The following PCDHA1 variants were observed in gnomAD, a reference collection of about 807,000 sequenced individuals.
PCDHA1 encodes protocadherin alpha 1, also known as protocadherin alpha-1.
PCDHA1 carries 42 observed loss-of-function variants against 61.3 expected under a neutral mutation model. That is an observed-to-expected ratio of 0.69 (90% CI 0.54 to 0.89). The LOEUF is 0.89. Among genes scored for constraint, PCDHA1 ranks in the 40% least tolerant of loss-of-function variants. PCDHA1 has a pLI of 0.00. For missense variants in PCDHA1, 1,256 were observed against 1,235.3 expected (o/e 1.02, Z -0.25); for synonymous variants, 610 against 553.8 (o/e 1.10, Z -1.43).
At chr5:140,874,144 T>C (rs1554167057) in intron 1 of PCDHA1, among the ~76,000 whole-genome samples, 2 of 152,244 alleles carry the variant, frequency 1.3e-5, no homozygotes. Context: ...CTTATACTTG[T>C]AGAGCCATTC....
In PCDHA1 at chr5:140,847,104, A is replaced by G. The variant is rs2150397303; in HGVS notation, c.2394+58420A>G. Among the ~76,000 whole-genome samples, 7 of 149,942 alleles carry G rather than the reference A, an allele frequency of 4.7e-5. 1 individual carries two copies. The East Asian group carries it at 1.4e-3, about 29-fold the overall frequency. On this transcript the variant is annotated intron_variant, in intron 1 of 3. Coordinates refer to ENST00000504120, the MANE Select transcript of PCDHA1 (RefSeq NM_018900.4). ...AAAGTCCACTTTGGTTAAAACACAC[A>G]GTCTGCAGAGAATGAAAGCAGGAAA...
At chr5:140,948,013 A>G (rs1214834981) in intron 1 of PCDHA1, among the ~76,000 whole-genome samples, 7 of 89,982 alleles carry the variant, frequency 7.8e-5, no homozygotes, top group Admixed American at 5.3e-4. Context: ...TTTAGGAAGT[A>G]CCCTTTCTGG....
intron 1 of PCDHA1, among the ~76,000 whole-genome samples, chr5:140,940,668 C>T (rs1475667382): frequency 3.3e-5 from 5 of 152,166 alleles, no homozygotes; most frequent in African/African-American, 1.2e-4. Flanking sequence ...AAATCTTCAT[C>T]TGATAATTCC....
chr5:141,003,715 G>A (rs561348265), intron 3 of PCDHA1, among the ~76,000 whole-genome samples: 21 of 152,240 alleles, frequency 1.4e-4, no homozygotes, highest in African/African-American at 2.2e-4. Flanking sequence ...TGAAGATATC[G>A]GCTAATCCAA....
Position 140,943,601 on chromosome 5 carries a change from T to C in PCDHA1, c.2395-35348T>C, listed in dbSNP as rs148231077. ...TCTGAGTGGGGCTGAATTCTAAATA[T>C]AGACTTTGATTCATCTGCATAAGGA... On this transcript the variant is annotated intron_variant, in intron 1 of 3. Coordinates refer to ENST00000504120, the MANE Select transcript of PCDHA1 (RefSeq NM_018900.4). Among the ~76,000 whole-genome samples the C allele has an allele frequency of 1.9e-3, 291 of 152,290 alleles. 2 individuals carry two copies. The highest frequency in any genetic ancestry group is 6.6e-3 in the African/African-American group (276 of 41,566).
At chr5:140,973,068 G>T (rs1563422416) in intron 1 of PCDHA1, among the ~76,000 whole-genome samples, 1 of 152,140 alleles carries the variant, frequency 6.6e-6, no homozygotes, top group Non-Finnish European at 1.5e-5. Context: ...CAGTGTCTCA[G>T]TGGGCCCAGC....
At chr5:140,808,103 G>A in intron 1 of PCDHA1, 1 of 1,613,814 alleles carries the variant, frequency 6.2e-7, no homozygotes, top group Non-Finnish European at 8.5e-7. Context: ...TATTGTAAAG[G>A]GATATATTGA....
At chr5:140,824,626 T>TTTTTTTG (rs1768277124) in intron 1 of PCDHA1, 1 of 133,454 alleles carries the variant, frequency 7.5e-6, no homozygotes, top group Non-Finnish European at 1.5e-5. Flanking sequence ...TTTTTTTTTT[T>TTTTTTTG]TTTTTTATTT....
chr5:140,814,632 A>G (rs1300426285), intron 1 of PCDHA1: 1 of 152,144 alleles, frequency 6.6e-6, no homozygotes, highest in Non-Finnish European at 1.5e-5. Context: ...TGGTAGTGCA[A>G]TAGGTTTGTT....
Position 140,966,695 on chromosome 5 carries a change from C to T in PCDHA1, c.2395-12254C>T, listed in dbSNP as rs2096038904. ...GGGTGGCACGAGCGGAGGCGGGGCC[C>T]GGGCGTGGGGCACGGCTGGGGAAGC... is the stretch of plus-strand genomic sequence containing the variant. On this transcript the variant is annotated intron_variant, in intron 1 of 3. Coordinates refer to ENST00000504120, the MANE Select transcript of PCDHA1 (RefSeq NM_018900.4). 4 of 1,358,486 alleles carry T rather than the reference C, an allele frequency of 2.9e-6. No individual in the cohort carries two copies. In the South Asian group the frequency reaches 5.2e-5, roughly 18 times the overall value. The allele number at this position is 1,358,486 out of a possible 1,614,324, so 84.2% of individuals were successfully genotyped here. A position where few individuals can be genotyped will look rare whatever the true frequency, so the allele number is the denominator to read the frequency against.
chr5:140,823,764 A>G (rs2150128918), intron 1 of PCDHA1: 1 of 1,613,830 alleles, frequency 6.2e-7, no homozygotes, highest in Non-Finnish European at 8.5e-7. Context: ...CCACAGCCAC[A>G]GTGCTGGTGT....
intron 1 of PCDHA1, among the ~76,000 whole-genome samples, chr5:140,819,085 A>C (rs1766488679): frequency 6.6e-6 from 1 of 152,214 alleles, no homozygotes; most frequent in Non-Finnish European, 1.5e-5. Context: ...GGCAGCGCTA[A>C]GATGTGTATT....
At chr5:140,974,828 A>T (rs2096642920) in intron 1 of PCDHA1, among the ~76,000 whole-genome samples, 1 of 152,188 alleles carries the variant, frequency 6.6e-6, no homozygotes, top group Non-Finnish European at 1.5e-5. Flanking sequence ...CAACATAATG[A>T]TTATTTTAAA....
intron 1 of PCDHA1, chr5:140,835,785 A>G (rs2150244615): frequency 1.2e-6 from 2 of 1,613,238 alleles, no homozygotes; most frequent in Admixed American, 3.3e-5. Context: ...GAAGGAGAAC[A>G]ACCCGCCGGG....
chr5:140,873,431 A>G (rs1395359965), intron 1 of PCDHA1, among the ~76,000 whole-genome samples: 1 of 152,228 alleles, frequency 6.6e-6, no homozygotes, highest in African/African-American at 2.4e-5. Context: ...ATTATTTTAT[A>G]TCACATAAAT....
intron 3 of PCDHA1, among the ~76,000 whole-genome samples, chr5:141,004,852 GA>G (rs1474938614): frequency 6.6e-6 from 1 of 152,202 alleles, no homozygotes; most frequent in African/African-American, 2.4e-5. Flanking sequence ...TAGTCTCAGA[GA>G]AAAAATTTGT....
chr5:140,809,297 A>T, intron 1 of PCDHA1: 1 of 1,614,102 alleles, frequency 6.2e-7, no homozygotes, highest in Non-Finnish European at 8.5e-7. Flanking sequence ...GATCATTGCC[A>T]TCTGCGCGGT....
At chr5:140,973,972 G>A (rs1467007704) in intron 1 of PCDHA1, among the ~76,000 whole-genome samples, 1 of 152,186 alleles carries the variant, frequency 6.6e-6, no homozygotes, top group Non-Finnish European at 1.5e-5. Flanking sequence ...TTTAAATGTG[G>A]CTTTTACAGA....
intron 1 of PCDHA1, among the ~76,000 whole-genome samples, chr5:140,943,465 GA>G (rs1412044069): frequency 6.6e-6 from 1 of 152,022 alleles, no homozygotes. Flanking sequence ...CTAAATGTGG[GA>G]GATACAGTAA....
Sources: allele counts gnomAD v4.1 joint callset (sites outside exome capture counted in the v4.1 genomes callset), GRCh38; gene constraint gnomAD v4.1.1; transcripts MANE v1.5; gene names NCBI Gene and HGNC (gene_info 2026-07-23, HGNC 2026-07-21).